Variants in CTNND2 observed in about 807,000 individuals in gnomAD.
The protein encoded by CTNND2 is catenin delta-2.
A neutral mutation model predicts 144.4 loss-of-function variants in CTNND2; 22 were observed. That is an observed-to-expected ratio of 0.15 (90% CI 0.11 to 0.22). The LOEUF is 0.22. Ranked by LOEUF, CTNND2 falls within the 10% of genes least tolerant of loss-of-function variation. The pLI is 1.00. For synonymous variants in CTNND2, 751 were observed against 695.6 expected (o/e 1.08, Z -1.25); for missense variants, 1,353 against 1,618.8 (o/e 0.84, Z 2.82).
At chr5:11,895,216 A>T (rs1382409088) in intron 1 of CTNND2, among the ~76,000 whole-genome samples, 2 of 152,308 alleles carry the variant, frequency 1.3e-5, no homozygotes, top group East Asian at 3.9e-4. Context: ...CTTTTCACAC[A>T]GTGATCCTGG....
At chr5:11,525,767 T>C (rs1773188117) in intron 3 of CTNND2, among the ~76,000 whole-genome samples, 1 of 152,204 alleles carries the variant, frequency 6.6e-6, no homozygotes, top group Non-Finnish European at 1.5e-5. Context: ...TGTGTGGGTG[T>C]GTGTGAAAGG....
At chr5:11,038,298 G>A (rs1744302274) in intron 16 of CTNND2, among the ~76,000 whole-genome samples, 2 of 152,126 alleles carry the variant, frequency 1.3e-5, no homozygotes, top group South Asian at 4.2e-4. Context: ...ATTACAGCCT[G>A]AGCTTCGCCT....
At chr5:11,787,103 C>A (rs553701961) in intron 1 of CTNND2, among the ~76,000 whole-genome samples, 1 of 152,060 alleles carries the variant, frequency 6.6e-6, no homozygotes, top group Non-Finnish European at 1.5e-5. Flanking sequence ...CTGGACTATG[C>A]GATAGTGGAC....
At chr5:11,423,051 A>G (rs1391565543) in intron 3 of CTNND2, among the ~76,000 whole-genome samples, 1 of 152,250 alleles carries the variant, frequency 6.6e-6, no homozygotes. Context: ...TTAGAAAATA[A>G]TGTATCATAG....
chr5:11,636,898 C>T (rs1781736860), intron 2 of CTNND2, among the ~76,000 whole-genome samples: 1 of 152,082 alleles, frequency 6.6e-6, no homozygotes, highest in Admixed American at 6.6e-5. Context: ...CACACATGGG[C>T]TTTTATGCAT....
At chr5:11,471,236 C>T (rs1767204611) in intron 3 of CTNND2, among the ~76,000 whole-genome samples, 1 of 151,708 alleles carries the variant, frequency 6.6e-6, no homozygotes, top group South Asian at 2.1e-4. Context: ...CTTGGCCTCC[C>T]AAAGTGCTGG....
intron 3 of CTNND2, among the ~76,000 whole-genome samples, chr5:11,453,251 C>T (rs1416102717): frequency 6.6e-6 from 1 of 152,184 alleles, no homozygotes; most frequent in African/African-American, 2.4e-5. Flanking sequence ...AGCACCATCC[C>T]ATCAAATGTG....
intron 1 of CTNND2, among the ~76,000 whole-genome samples, chr5:11,743,625 G>A (rs1788143217): frequency 6.6e-6 from 1 of 152,190 alleles, no homozygotes; most frequent in South Asian, 2.1e-4. Context: ...ACAAAGGCAG[G>A]AGGCAGAGGA....
intron 1 of CTNND2, among the ~76,000 whole-genome samples, chr5:11,770,585 G>T (rs2126824270): frequency 6.6e-6 from 1 of 152,228 alleles, no homozygotes; most frequent in Middle Eastern, 3.4e-3. Flanking sequence ...ACAAAAAACA[G>T]AGTAGGCTGA....
At chr5:11,490,506 A>G (rs1337188599) in intron 3 of CTNND2, among the ~76,000 whole-genome samples, 1 of 151,842 alleles carries the variant, frequency 6.6e-6, no homozygotes. Flanking sequence ...GCCAGATGTA[A>G]TGAGAACTAC....
chr5:11,294,793 TA>T (rs1486532997), intron 9 of CTNND2, among the ~76,000 whole-genome samples: 2 of 152,174 alleles, frequency 1.3e-5, no homozygotes, highest in African/African-American at 4.8e-5. Context: ...CCCTTCATGC[TA>T]AAAACTCTCA....
At chr5:11,363,888 G>A (rs1178984750) in intron 8 of CTNND2, among the ~76,000 whole-genome samples, 1 of 152,206 alleles carries the variant, frequency 6.6e-6, no homozygotes, top group South Asian at 2.1e-4. Context: ...TAGGAAAGAA[G>A]GAGAGAGCTG....
At chr5:11,039,778 C>A (rs1244521904) in intron 16 of CTNND2, among the ~76,000 whole-genome samples, 3 of 152,064 alleles carry the variant, frequency 2.0e-5, no homozygotes, top group African/African-American at 7.2e-5. Flanking sequence ...AAAACAAGTA[C>A]AGGCCAGGCA....
chr5:11,863,827 G>C (rs1795613278), intron 1 of CTNND2, among the ~76,000 whole-genome samples: 1 of 152,158 alleles, frequency 6.6e-6, no homozygotes, highest in Non-Finnish European at 1.5e-5. Context: ...CTGACACAAA[G>C]AGATGGTTTT....
At chr5:11,121,578 A>C (rs1027925784) in intron 12 of CTNND2, among the ~76,000 whole-genome samples, 1 of 151,020 alleles carries the variant, frequency 6.6e-6, no homozygotes, top group African/African-American at 2.5e-5. Context: ...TAAAAAATGA[A>C]ACAATTCATT....
At chr5:11,894,744 C>A (rs943894995) in intron 1 of CTNND2, among the ~76,000 whole-genome samples, 2 of 152,292 alleles carry the variant, frequency 1.3e-5, no homozygotes, top group African/African-American at 4.8e-5. Flanking sequence ...TGCAAAGTCA[C>A]AAGAGAAGGC....
In CTNND2 at chr5:11,363,810, G is replaced by A. The variant is rs576019507; in HGVS notation, c.1372+886C>T. On this transcript the variant is annotated intron_variant, in intron 8 of 21. Transcript: ENST00000304623. ...GTAGTCTGAGGATGTAGAGATCTGC[G>A]TGCCAGGTTCTGAAGCAGAGAGCCA... Among the ~76,000 whole-genome samples, 6 of 152,220 alleles carry A rather than the reference G, an allele frequency of 3.9e-5. No homozygotes were observed. The South Asian group carries it at 1.0e-3, about 26-fold the overall frequency.
chr5:11,863,188 C>T (rs991987443), intron 1 of CTNND2, among the ~76,000 whole-genome samples: 2 of 152,188 alleles, frequency 1.3e-5, no homozygotes, highest in African/African-American at 4.8e-5. Context: ...TGATATTCAT[C>T]TGTATTCTCC....
intron 8 of CTNND2, among the ~76,000 whole-genome samples, chr5:11,348,448 A>G (rs59699156): frequency 5.3e-4 from 77 of 144,138 alleles, no homozygotes; most frequent in African/African-American, 1.8e-3. Flanking sequence ...AAAAAAAAAA[A>G]AAAAAAAAGA....
Sources: gnomAD v4.1 joint callset for allele counts (sites outside exome capture counted in the v4.1 genomes callset) on GRCh38, gnomAD v4.1.1 for gene constraint, MANE v1.5 for transcripts, NCBI Gene and HGNC (gene_info 2026-07-23, HGNC 2026-07-21) for gene names.